TCAIM: variants seen among roughly 807,000 people sequenced by gnomAD.
TCAIM encodes T cell activation inhibitor, mitochondrial.
In TCAIM, 36 loss-of-function variants were observed where a neutral mutation model predicts 58.6. The ratio of observed to expected loss-of-function variants is 0.61; its 90% CI spans 0.47 to 0.81. The LOEUF (loss-of-function observed/expected upper bound fraction) is 0.81. Ranked by LOEUF, TCAIM falls within the 30% of genes least tolerant of loss-of-function variation. The pLI is 0.00. For missense variants in TCAIM, 466 were observed against 579.6 expected, an observed-to-expected ratio of 0.80 and a Z score of 2.01; for synonymous variants, 172 against 193.6, an observed-to-expected ratio of 0.89 and a Z score of 0.93.
chr3:44,370,455 CAA>C (rs60988313), intron 5 of TCAIM, among the ~76,000 whole-genome samples: 14 of 88,258 alleles, frequency 1.6e-4, no homozygotes, highest in African/African-American at 4.2e-4. Flanking sequence ...GACTCTGTCT[CAA>C]AAAAAAAAAA....
intron 9 of TCAIM, 23 bp from the exon 10 acceptor site, chr3:44,401,180 C>G: frequency 6.2e-7 from 1 of 1,611,166 alleles, no homozygotes; most frequent in South Asian, 1.1e-5. Context: ...GTGGTTTTTC[C>G]TTTAATGTAT....
intron 1 of TCAIM, among the ~76,000 whole-genome samples, chr3:44,348,814 G>A (rs577763502): frequency 4.6e-5 from 7 of 152,156 alleles, no homozygotes; most frequent in African/African-American, 1.7e-4. Context: ...CCATGAACTG[G>A]GCTGGGTTTT....
intron 5 of TCAIM, among the ~76,000 whole-genome samples, chr3:44,383,767 GT>G (rs1471730484): frequency 1.6e-5 from 2 of 128,332 alleles, no homozygotes; most frequent in African/African-American, 6.1e-5. Flanking sequence ...GAGCTTAAGA[GT>G]TCAAGATCAG....
intron 1 of TCAIM, among the ~76,000 whole-genome samples, chr3:44,353,035 G>A (rs1348642749): frequency 3.3e-5 from 5 of 149,472 alleles, no homozygotes; most frequent in African/African-American, 1.2e-4. Flanking sequence ...CAATTCTCCT[G>A]CCTCAGCCTC....
At chr3:44,385,358 C>T (rs774124533) in intron 5 of TCAIM, among the ~76,000 whole-genome samples, 5 of 152,184 alleles carry the variant, frequency 3.3e-5, no homozygotes, top group South Asian at 2.1e-4. Context: ...GAGTGTTTTA[C>T]CCTAAAAAAT....
intron 5 of TCAIM, among the ~76,000 whole-genome samples, chr3:44,369,222 G>A (rs1253967916): frequency 1.3e-5 from 2 of 152,098 alleles, no homozygotes; most frequent in Non-Finnish European, 2.9e-5. Context: ...TGTGGGACAC[G>A]GCACATACAA....
rs1264197223 is a variant in TCAIM at position 44,408,051 on chromosome 3, T to G, written c.*369T>G. On this transcript the variant is annotated 3_prime_UTR_variant, in exon 11 of 11. Transcript: ENST00000342649. The stretch of plus-strand genomic sequence containing the variant: ...ATAAATAAGTAACTAATAAAAAGAT[T>G]TTATATCCCAGTCTTATGATGTTGG... 1 of 153,426 alleles carries G rather than the reference T, an allele frequency of 6.5e-6. No homozygotes were observed. Among genetic ancestry groups the G allele is most frequent in the Non-Finnish European group, 1.5e-5 (1 of 68,954 alleles). 9.5% of individuals were successfully genotyped at this position (153,426 alleles called of 1,614,324 possible).
At chr3:44,391,509 GTTC>G (rs752187967) in intron 5 of TCAIM, among the ~76,000 whole-genome samples, 11 of 152,076 alleles carry the variant, frequency 7.2e-5, no homozygotes, top group Non-Finnish European at 1.0e-4. Flanking sequence ...TTGATATTTA[GTTC>G]TTCTTGTAAG....
At chr3:44,396,283 G>A (rs1701932507) in intron 6 of TCAIM, 117 bp from the exon 7 acceptor site, 1 of 730,666 alleles carries the variant, frequency 1.4e-6, no homozygotes, top group Non-Finnish European at 2.2e-6. Flanking sequence ...AACATGTTAT[G>A]TGTGTGCTTC....
At chr3:44,374,282 CTTTCTT>C (rs1559572304) in intron 5 of TCAIM, among the ~76,000 whole-genome samples, 1 of 97,742 alleles carries the variant, frequency 1.0e-5, no homozygotes, top group African/African-American at 3.9e-5. Flanking sequence ...TTTTGCTTTG[CTTTCTT>C]TTTTTTTTTT....
chr3:44,404,522 C>T (rs1702069908), intron 10 of TCAIM, among the ~76,000 whole-genome samples: 1 of 152,046 alleles, frequency 6.6e-6, no homozygotes, highest in South Asian at 2.1e-4. Flanking sequence ...TGCTGTTGGT[C>T]CCAACCTTCC....
At chr3:44,340,061 C>T (rs1261378635) in intron 1 of TCAIM, 2 of 152,162 alleles carry the variant, frequency 1.3e-5, no homozygotes, top group African/African-American at 2.4e-5. Context: ...CAGGAACCAC[C>T]TATGTAAGAA....
chr3:44,405,972 A>AAAAAAG (rs1702094602), intron 10 of TCAIM, among the ~76,000 whole-genome samples: 1 of 133,698 alleles, frequency 7.5e-6, no homozygotes, highest in Non-Finnish European at 1.6e-5. Flanking sequence ...AAAAAAAAAA[A>AAAAAAG]TTAATCTCAT....
At chr3:44,360,777 T>C (rs1701283962) in intron 3 of TCAIM, among the ~76,000 whole-genome samples, 2 of 152,046 alleles carry the variant, frequency 1.3e-5, no homozygotes, top group Non-Finnish European at 2.9e-5. Context: ...AACTAATTTT[T>C]GTATTTTTTG....
chr3:44,365,854 G>A (rs943796036), intron 4 of TCAIM, among the ~76,000 whole-genome samples: 2 of 152,244 alleles, frequency 1.3e-5, no homozygotes, highest in African/African-American at 4.8e-5. Flanking sequence ...ATTGCCACAT[G>A]TGCTAGTAGC....
At chr3:44,400,836 G>A in intron 9 of TCAIM, 1 of 526,318 alleles carries the variant, frequency 1.9e-6, no homozygotes, top group Non-Finnish European at 3.4e-6. Context: ...TCAATCCAAT[G>A]GAAAACATTA....
chr3:44,392,968 C>T lies in TCAIM; in HGVS notation c.686C>T (p.Ser229Leu), dbSNP rs1553663270. 1 of 1,610,378 alleles carries T rather than the reference C, an allele frequency of 6.2e-7. No homozygotes were observed. Among genetic ancestry groups the T allele is most frequent in the Non-Finnish European group, 8.5e-7 (1 of 1,178,418 alleles). ...GAACTGTCTCATCAATTGCAACTCT[C>T]AGATATCAGGTAAGAAAGAAGAGAG... Reference protein sequence around the residue: ...KDELSHQLQLSDIRWQRSWGI... With the variant: ...KDELSHQLQLLDIRWQRSWGI... Residue 229 changes from serine (S) to leucine (L), a missense_variant, in exon 6 of 11, where the codon TCA becomes TTA. Ser to Leu is a moderately radical substitution (Grantham distance 145). Coordinates refer to ENST00000342649, the MANE Select transcript of TCAIM (RefSeq NM_173826.4).
intron 8 of TCAIM, 28 bp downstream of exon 8, chr3:44,396,862 T>C (rs777236686): frequency 3.1e-6 from 5 of 1,589,062 alleles, no homozygotes; most frequent in African/African-American, 2.7e-5. Flanking sequence ...AATTAAAAAC[T>C]CCTTGTCATT....
chr3:44,364,196 G>A (rs1701334875), intron 4 of TCAIM, among the ~76,000 whole-genome samples: 1 of 150,904 alleles, frequency 6.6e-6, no homozygotes, highest in African/African-American at 2.4e-5. Flanking sequence ...CAAAGTGCTG[G>A]TGTTACAGGC....
Sources: allele counts gnomAD v4.1 joint callset (sites outside exome capture counted in the v4.1 genomes callset), GRCh38; gene constraint gnomAD v4.1.1; transcripts MANE v1.5; gene names NCBI Gene and HGNC (gene_info 2026-07-23, HGNC 2026-07-21).